PRKN: variants seen among roughly 807,000 people sequenced by gnomAD.
The protein encoded by PRKN is parkin RBR E3 ubiquitin protein ligase.
Under a neutral mutation model 59.5 loss-of-function variants are expected in PRKN, and 56 were observed. That is an observed-to-expected ratio of 0.94 (90% confidence interval 0.76 to 1.18). The LOEUF is 1.18. Among genes scored for constraint, PRKN ranks in the 50% most tolerant of loss-of-function variants. The pLI, the probability that PRKN is intolerant of heterozygous loss-of-function variation, is 0.00. For synonymous variants in PRKN, 250 were observed against 222.1 expected (o/e 1.13, Z -1.12); for missense variants, 657 against 596.4 (o/e 1.10, Z -1.06).
At chr6:162,021,137 T>TAAA (rs1277164585) in intron 5 of PRKN, among the ~76,000 whole-genome samples, 2 of 5,202 alleles carry the variant, frequency 3.8e-4, no homozygotes, top group Non-Finnish European at 6.4e-4. Flanking sequence ...TATATATATA[T>TAAA]ATATATATAT....
intron 1 of PRKN, among the ~76,000 whole-genome samples, chr6:162,508,209 TACTC>T (rs1040928344): frequency 6.6e-6 from 1 of 152,098 alleles, no homozygotes; most frequent in Non-Finnish European, 1.5e-5. Context: ...TCCTGAGACT[TACTC>T]ACTACTGTGA....
intron 6 of PRKN, among the ~76,000 whole-genome samples, chr6:161,942,136 T>C (rs767612004): frequency 1.9e-4 from 29 of 152,148 alleles, no homozygotes; most frequent in Non-Finnish European, 3.7e-4. Flanking sequence ...GTCATTAAAA[T>C]TGCAGAACAT....
chr6:162,001,835 G>C (rs1048186725), intron 5 of PRKN, among the ~76,000 whole-genome samples: 14 of 136,918 alleles, frequency 1.0e-4, no homozygotes, highest in Non-Finnish European at 1.5e-5. Context: ...TGTATCTCTA[G>C]TTTGCAAATA....
At chr6:162,262,413 C>A (rs1464055182) in intron 3 of PRKN, 112 bp downstream of exon 3, 48 of 1,309,344 alleles carry the variant, frequency 3.7e-5, no homozygotes, top group Non-Finnish European at 5.2e-5. Context: ...TTAGAGACTC[C>A]AATCCAAAAC....
chr6:161,482,009 G>C (rs936578976), intron 9 of PRKN, among the ~76,000 whole-genome samples: 1 of 139,314 alleles, frequency 7.2e-6, no homozygotes, highest in Non-Finnish European at 1.6e-5. Flanking sequence ...TTCATTTTGC[G>C]GGGGGTGGGG....
At chr6:161,905,629 CCTTT>C (rs1382149062) in intron 6 of PRKN, among the ~76,000 whole-genome samples, 12 of 152,126 alleles carry the variant, frequency 7.9e-5, no homozygotes, top group Admixed American at 6.5e-4. Flanking sequence ...CCCCTGCCTT[CCTTT>C]ATCTTGGGTT....
At chr6:161,620,506 G>T (rs1782858199) in intron 7 of PRKN, among the ~76,000 whole-genome samples, 1 of 152,126 alleles carries the variant, frequency 6.6e-6, no homozygotes, top group Admixed American at 6.5e-5. Flanking sequence ...TCGGATGTAG[G>T]TATCACATGG....
chr6:162,678,816 C>A (rs1779656438), intron 1 of PRKN, among the ~76,000 whole-genome samples: 1 of 152,232 alleles, frequency 6.6e-6, no homozygotes, highest in African/African-American at 2.4e-5. Context: ...TCTCCGTCAC[C>A]CAGGCTAGAA....
intron 9 of PRKN, among the ~76,000 whole-genome samples, chr6:161,422,763 G>C (rs1788160308): frequency 6.6e-6 from 1 of 152,042 alleles, no homozygotes; most frequent in Non-Finnish European, 1.5e-5. Flanking sequence ...AAGGAAGAGA[G>C]AAAAAGGAAA....
At chr6:161,603,325 A>G (rs954035416) in intron 7 of PRKN, among the ~76,000 whole-genome samples, 1 of 152,234 alleles carries the variant, frequency 6.6e-6, no homozygotes, top group Non-Finnish European at 1.5e-5. Context: ...GATCACAGGC[A>G]GTCAACTTGG....
Position 161,362,082 on chromosome 6 carries a change from A to C in PRKN, c.1168-1877T>G, listed in dbSNP as rs990272830. ...ATGGTTTAGATTGCTTGTTGGTGGCAAGTTGGTAAGTCATACAAATTGGAG... is the reference window on the plus strand; with the variant it reads ...ATGGTTTAGATTGCTTGTTGGTGGCCAGTTGGTAAGTCATACAAATTGGAG... On this transcript the variant is annotated intron_variant, in intron 10 of 11. Transcript: ENST00000366898. This position sits in a 1 kb window ranked among gnomAD's most constrained non-coding sequence, Gnocchi z 5.2. Among the ~76,000 whole-genome samples, 2 of 152,172 alleles carry C rather than the reference A, an allele frequency of 1.3e-5. No homozygotes were observed. Among genetic ancestry groups the C allele is most frequent in the African/African-American group, 4.8e-5 (2 of 41,446 alleles).
At chr6:162,240,883 T>C (rs929827151) in intron 3 of PRKN, among the ~76,000 whole-genome samples, 3 of 152,300 alleles carry the variant, frequency 2.0e-5, no homozygotes, top group Admixed American at 1.3e-4. Flanking sequence ...TCATATACAC[T>C]GATAAAAAGG....
intron 9 of PRKN, among the ~76,000 whole-genome samples, chr6:161,425,282 G>C (rs1223095625): frequency 6.6e-6 from 1 of 152,164 alleles, no homozygotes; most frequent in Non-Finnish European, 1.5e-5. Context: ...AGAGCAGTGG[G>C]CAAAGAGTAC....
rs1780075097 is a variant in PRKN at position 161,552,658 on chromosome 6, T to C, written c.934-3655A>G. Among the ~76,000 whole-genome samples the C allele has an allele frequency of 6.6e-6, 1 of 152,112 alleles. No individual in the cohort carries two copies. The highest frequency in any genetic ancestry group is 2.4e-5 in the African/African-American group (1 of 41,420). ...AGAATAAGCTTAATACATTATAAAG[T>C]GACCAACTTTTTAAACACTACCCAG... On this transcript the variant is annotated intron_variant, in intron 8 of 11. Coordinates refer to ENST00000366898, the MANE Select transcript of PRKN (RefSeq NM_004562.3). The surrounding 1 kb of genome is among the most constrained non-coding windows in gnomAD (Gnocchi z 4.9).
chr6:162,457,843 G>A (rs149077813), intron 1 of PRKN, among the ~76,000 whole-genome samples: 11 of 152,058 alleles, frequency 7.2e-5, no homozygotes, highest in East Asian at 1.9e-4. Context: ...GTTTGTGGCC[G>A]GGCGTGGTGG....
At chr6:161,888,865 A>G (rs1795244120) in intron 6 of PRKN, among the ~76,000 whole-genome samples, 1 of 152,118 alleles carries the variant, frequency 6.6e-6, no homozygotes, top group African/African-American at 2.4e-5. Flanking sequence ...ATGCTTCCTC[A>G]ATCCCATTGC....
At chr6:162,687,396 G>C (rs966279704) in intron 1 of PRKN, among the ~76,000 whole-genome samples, 2 of 151,984 alleles carry the variant, frequency 1.3e-5, no homozygotes, top group Non-Finnish European at 2.9e-5. Context: ...ATGTTAGCCA[G>C]GATGGTCTCG....
At chr6:162,722,103 T>C (rs1457076636) in intron 1 of PRKN, among the ~76,000 whole-genome samples, 1 of 152,108 alleles carries the variant, frequency 6.6e-6, no homozygotes. Flanking sequence ...TGGGAAGAAA[T>C]GGTCATTTCT....
intron 7 of PRKN, among the ~76,000 whole-genome samples, chr6:161,757,840 T>TCCCC (rs1273935807): frequency 1.0e-5 from 1 of 100,142 alleles, no homozygotes; most frequent in East Asian, 3.0e-4. Flanking sequence ...TCCATCTCTC[T>TCCCC]CTCTCTCTCT....
Sources: gnomAD v4.1 joint callset for allele counts (sites outside exome capture counted in the v4.1 genomes callset) on GRCh38, gnomAD v4.1.1 for gene constraint, Gnocchi (gnomAD v3.1) non-coding constraint, MANE v1.5 for transcripts, NCBI Gene and HGNC (gene_info 2026-07-23, HGNC 2026-07-21) for gene names.